ADAMTSL4: variants seen among roughly 807,000 people sequenced by gnomAD.
ADAMTSL4 encodes the protein ADAMTS like 4.
In ADAMTSL4, 97 loss-of-function variants were observed where a neutral mutation model predicts 122.8. The ratio of observed to expected loss-of-function variants is 0.79; its 90% CI spans 0.67 to 0.93. ADAMTSL4 has a LOEUF of 0.93. Among genes scored for constraint, ADAMTSL4 ranks in the 40% least tolerant of loss-of-function variants. The pLI is 0.00. For synonymous variants in ADAMTSL4, 592 were observed against 568.0 expected (o/e 1.04, Z -0.60); for missense variants, 1,408 against 1,453.5 (o/e 0.97, Z 0.51).
chr1:150,559,091 C>T lies in ADAMTSL4; in HGVS notation c.2689C>T (p.Pro897Ser), dbSNP rs753155445. The T allele has an allele frequency of 9.3e-6, 15 of 1,612,646 alleles. No homozygotes were observed. Among genetic ancestry groups the T allele is most frequent in the Non-Finnish European group, 1.3e-5 (15 of 1,179,942 alleles). Residue 897 changes from proline (P) to serine (S), a missense_variant, in exon 16 of 19, where the codon CCC becomes TCC. Pro to Ser is a moderately conservative substitution (Grantham distance 74). Transcript: ENST00000271643. This position sits in a 1 kb window ranked among gnomAD's most constrained non-coding sequence, Gnocchi z 4.1. ...GCAGAGCTGTCCAACAGGAAGCCGG[C>T]CCCCTGACATGCGCGCCTGCAGCCT... ...TGQSCPTGSRPPDMRACSLGP... is the reference protein window; with the variant it reads ...TGQSCPTGSRSPDMRACSLGP...
Position 150,554,798 on chromosome 1 carries a change from C to A in ADAMTSL4, c.1234+331C>A. On this transcript the variant is annotated intron_variant, in intron 7 of 18. Coordinates refer to ENST00000271643, the MANE Select transcript of ADAMTSL4 (RefSeq NM_019032.6). The surrounding 1 kb of genome is among the most constrained non-coding windows in gnomAD (Gnocchi z 4.0). ...GCCGTGACAGCCAGGTGGGGGTGTG[C>A]CACGCATCCTGGGCACTGTCGTATC... 2 of 775,298 alleles carry A rather than the reference C, an allele frequency of 2.6e-6. No homozygotes were observed. Among genetic ancestry groups the A allele is most frequent in the Non-Finnish European group, 4.1e-6 (2 of 491,182 alleles). The allele number at this position is 775,298 out of a possible 1,614,324, so 48.0% of individuals were successfully genotyped here.
In ADAMTSL4 at chr1:150,554,825, G is replaced by A; in HGVS notation, c.1234+358G>A. On this transcript the variant is annotated intron_variant, in intron 7 of 18. Coordinates refer to ENST00000271643, the MANE Select transcript of ADAMTSL4 (RefSeq NM_019032.6). The surrounding 1 kb of genome is among the most constrained non-coding windows in gnomAD (Gnocchi z 4.0). ...ACGCATCCTGGGCACTGTCGTATCG[G>A]TTGCTCCCAGGTTACCATCCGCTTC... is the stretch of plus-strand genomic sequence containing the variant. The A allele has an allele frequency of 1.6e-6, 1 of 640,908 alleles. No individual in the cohort carries two copies. The highest frequency in any genetic ancestry group is 2.0e-5 in the South Asian group (1 of 51,250). The allele number at this position is 640,908 out of a possible 1,614,324, so 39.7% of individuals were successfully genotyped here.
chr1:150,558,693 A>T (rs948995808), intron 15 of ADAMTSL4, 44 bp downstream of exon 15: 1 of 1,613,672 alleles, frequency 6.2e-7, no homozygotes, highest in Non-Finnish European at 8.5e-7. Context: ...CTGGGTAACC[A>T]CGCCCAGGAC....
chr1:150,556,639 GC>G lies in ADAMTSL4; in HGVS notation c.1597del (p.Arg533GlyfsTer52). Reference protein sequence around the residue: ...SNYLALRGPGGRSIINGNWAV... With the variant: ...SNYLALRGPGXRSIINGNWAV... ...CCCGCAGCACTTCGTGGCCCTGGGG[GC>G]CGGTCCATCATCAATGGGAACTGGG... On this transcript the variant is annotated frameshift_variant, in exon 10 of 19. Coordinates refer to ENST00000271643, the MANE Select transcript of ADAMTSL4 (RefSeq NM_019032.6). LOFTEE classifies it high-confidence loss of function. This position sits in a 1 kb window ranked among gnomAD's most constrained non-coding sequence, Gnocchi z 4.1. 6.2e-7 allele frequency: 1 copy of G among 1,614,030 alleles called. No individual in the cohort carries two copies. Among genetic ancestry groups the G allele is most frequent in the East Asian group, 2.2e-5 (1 of 44,870 alleles).
In ADAMTSL4 at chr1:150,553,966, G is replaced by C. The variant is rs1426470918; in HGVS notation, c.975G>C (p.Gly325=). 2 of 1,610,220 alleles carry C rather than the reference G, an allele frequency of 1.2e-6. No individual in the cohort carries two copies. The change falls in exon 6 of 19, where the codon GGG becomes GGC. Residue 325 remains glycine (G), a synonymous_variant. Transcript: ENST00000271643. ...GGGGAACGGGGGGGACTCCTCACGGGCCCCGCCTGGAGCCTGACCCTCAGC... is the reference window on the plus strand; with the variant it reads ...GGGGAACGGGGGGGACTCCTCACGGCCCCCGCCTGGAGCCTGACCCTCAGC... The part of the protein sequence containing the change: ...GPWGTGGTPH[G]PRLEPDPQHP...
chr1:150,552,845 T>C lies in ADAMTSL4; in HGVS notation c.79-53T>C. ...TCAGTGTTGGTCTACATGGACACTCTGGACAGTTCCCTCTAATCCTTCCAA... is the reference window on the plus strand; with the variant it reads ...TCAGTGTTGGTCTACATGGACACTCCGGACAGTTCCCTCTAATCCTTCCAA... On this transcript the variant is annotated intron_variant, in intron 4 of 18. Coordinates refer to ENST00000271643, the MANE Select transcript of ADAMTSL4 (RefSeq NM_019032.6). This position sits in a 1 kb window ranked among gnomAD's most constrained non-coding sequence, Gnocchi z 4.0. The C allele has an allele frequency of 1.3e-6, 2 of 1,572,798 alleles. No homozygotes were observed. Among genetic ancestry groups the C allele is most frequent in the Non-Finnish European group, 8.7e-7 (1 of 1,149,602 alleles).
Position 150,559,233 on chromosome 1 carries a change from G to A in ADAMTSL4, c.2764-54G>A. On this transcript the variant is annotated intron_variant, in intron 16 of 18. Transcript: ENST00000271643. This position sits in a 1 kb window ranked among gnomAD's most constrained non-coding sequence, Gnocchi z 4.1. ...CCAGTGGGATTCCTTGTGGGCACTT[G>A]GGGTGCTCTCTGTCCTCCCCTCCCC... 2 of 1,612,690 alleles carry A rather than the reference G, an allele frequency of 1.2e-6. No homozygotes were observed. Among genetic ancestry groups the A allele is most frequent in the South Asian group, 2.2e-5 (2 of 90,906 alleles).
Position 150,559,223 on chromosome 1 carries a change from G to A in ADAMTSL4, c.2763+58G>A, listed in dbSNP as rs1482623326. The A allele has an allele frequency of 3.7e-6, 6 of 1,612,588 alleles. No individual in the cohort carries two copies. The highest frequency in any genetic ancestry group is 5.1e-6 in the Non-Finnish European group (6 of 1,179,392). ...GGTGCCAGTCCCAGTGGGATTCCTT[G>A]TGGGCACTTGGGGTGCTCTCTGTCC... On this transcript the variant is annotated intron_variant, in intron 16 of 18. Coordinates refer to ENST00000271643, the MANE Select transcript of ADAMTSL4 (RefSeq NM_019032.6). This position sits in a 1 kb window ranked among gnomAD's most constrained non-coding sequence, Gnocchi z 4.1.
chr1:150,550,347 AGGGTGGGGTGGG>A, intron 2 of ADAMTSL4: 3 of 213,838 alleles, frequency 1.4e-5, no homozygotes, highest in Non-Finnish European at 9.1e-6. Context: ...TGCGCAGGGG[AGGGTGGGGTGGG>A]ACTTTTCCAG....
At position 150,554,890 on chromosome 1, in the gene ADAMTSL4, C is replaced by G. The variant is rs587764535; in HGVS notation, c.1234+423C>G. On this transcript the variant is annotated intron_variant, in intron 7 of 18. Coordinates refer to ENST00000271643, the MANE Select transcript of ADAMTSL4 (RefSeq NM_019032.6). The surrounding 1 kb of genome is among the most constrained non-coding windows in gnomAD (Gnocchi z 4.0). The stretch of plus-strand genomic sequence containing the variant: ...TTAACTTGACACCGGGATAAGCACT[C>G]AAGAGCTCTGAACACACAGAATCAT... Among the ~76,000 whole-genome samples, 1 of 151,784 alleles carries G rather than the reference C, an allele frequency of 6.6e-6. No homozygotes were observed. The highest frequency in any genetic ancestry group is 2.1e-4 in the South Asian group (1 of 4,810).
At chr1:150,551,724 T>A (rs760028936) in intron 2 of ADAMTSL4, 1 of 154,972 alleles carries the variant, frequency 6.5e-6, no homozygotes, top group Non-Finnish European at 1.4e-5. Context: ...TTTAGCTGGA[T>A]CCCATCTCCA....
At chr1:150,558,674 T>G (rs1420349257) in intron 15 of ADAMTSL4, 25 bp downstream of exon 15, 1 of 1,613,868 alleles carries the variant, frequency 6.2e-7, no homozygotes, top group Admixed American at 1.7e-5. Context: ...CCCAGCCATA[T>G]CCTGCATCCT....
In ADAMTSL4 at chr1:150,553,898, C is replaced by T. The variant is rs991194006; in HGVS notation, c.907C>T (p.Pro303Ser). ...AGCAGGGAGACGCCCTGATCCTTTTCCTTCGGTCCCTCGGGGCCGAGGCCA... is the reference window on the plus strand; with the variant it reads ...AGCAGGGAGACGCCCTGATCCTTTTTCTTCGGTCCCTCGGGGCCGAGGCCA... ...QVAGRRPDPF[P>S]SVPRGRGQQG... Residue 303 changes from proline (P) to serine (S), a missense_variant, in exon 6 of 19, where the codon CCT becomes TCT. Physicochemically the swap from Pro to Ser is moderately conservative, Grantham distance 74 (BLOSUM62 -1). Coordinates refer to ENST00000271643, the MANE Select transcript of ADAMTSL4 (RefSeq NM_019032.6). 1.9e-6 allele frequency: 3 copies of T among 1,613,376 alleles called. No individual in the cohort carries two copies. In the African/African-American group the frequency reaches 4.0e-5, roughly 22 times the overall value.
rs771126937 is a variant in ADAMTSL4 at position 150,554,990 on chromosome 1, C to CTT, written c.1235-425_1235-424dup. Among the ~76,000 whole-genome samples the CTT allele has an allele frequency of 3.6e-5, 5 of 140,494 alleles. No homozygotes were observed. The highest frequency in any genetic ancestry group is 7.1e-5 in the Admixed American group (1 of 14,132). The allele number at this position is 140,494 out of a possible 152,430, so 92.2% of individuals were successfully genotyped here. A position where few individuals can be genotyped will look rare whatever the true frequency, so the allele number is the denominator to read the frequency against. Reference sequence around the variant, plus strand: ...CGGTGACCTCAACTGACCTGACCACCTTTTTTTTTTTTTTTCTGAGACAGA... The same window carrying CTT: ...CGGTGACCTCAACTGACCTGACCACCTTTTTTTTTTTTTTTTTCTGAGACAGA... On this transcript the variant is annotated intron_variant, in intron 7 of 18. Transcript: ENST00000271643. The surrounding 1 kb of genome is among the most constrained non-coding windows in gnomAD (Gnocchi z 4.0).
chr1:150,558,078 C>T lies in ADAMTSL4; in HGVS notation c.2311C>T (p.Arg771Trp), dbSNP rs149017342. 1.2e-4 allele frequency: 196 copies of T among 1,613,210 alleles called. No individual in the cohort carries two copies. The highest frequency in any genetic ancestry group is 8.5e-4 in the East Asian group (38 of 44,888). ...VPPERCGHLPRPNITQSCQLR... is the reference protein window; with the variant it reads ...VPPERCGHLPWPNITQSCQLR... ...CCCGGAGCGCTGTGGACATCTCCCCCGGCCCAACATCACCCAGTCTTGCCA... is the reference window on the plus strand; with the variant it reads ...CCCGGAGCGCTGTGGACATCTCCCCTGGCCCAACATCACCCAGTCTTGCCA... The change falls in exon 14 of 19, where the codon CGG (arginine) becomes TGG (tryptophan). Residue 771 changes from arginine to tryptophan, a missense_variant. By Grantham distance (101) the Arg-to-Trp change is moderately radical. Coordinates refer to ENST00000271643, the MANE Select transcript of ADAMTSL4 (RefSeq NM_019032.6).
In ADAMTSL4 at chr1:150,552,806, C is replaced by T. The variant is rs958904143; in HGVS notation, c.79-92C>T. ...GCTGAATGTGACCTTGGACTGGTAG[C>T]GACTCCGTGAGCCTCAGTGTTGGTC... is the stretch of plus-strand genomic sequence containing the variant. On this transcript the variant is annotated intron_variant, in intron 4 of 18. Transcript: ENST00000271643. The surrounding 1 kb of genome is among the most constrained non-coding windows in gnomAD (Gnocchi z 4.0). The T allele has an allele frequency of 8.5e-6, 12 of 1,405,066 alleles. No individual in the cohort carries two copies. Among genetic ancestry groups the T allele is most frequent in the Admixed American group, 8.4e-5 (5 of 59,416 alleles). The allele number at this position is 1,405,066 out of a possible 1,614,324, so 87.0% of individuals were successfully genotyped here.
Position 150,549,638 on chromosome 1 carries a change from G to C in ADAMTSL4, c.-159+139G>C, listed in dbSNP as rs74124915. The stretch of plus-strand genomic sequence containing the variant: ...CGCCACGACCCCGGACCCAGCTCCG[G>C]TGGCCTCGGACAATCTTCCAGCCCC... On this transcript the variant is annotated intron_variant, in intron 1 of 18. Transcript: ENST00000271643. The surrounding 1 kb of genome is among the most constrained non-coding windows in gnomAD (Gnocchi z 5.0). 4,036 of 152,482 alleles carry C rather than the reference G, an allele frequency of 0.026. 158 individuals carry two copies. The highest frequency in any genetic ancestry group is 0.088 in the African/African-American group (3,639 of 41,536). The allele number at this position is 152,482 out of a possible 1,614,324, so 9.4% of individuals were successfully genotyped here.
At position 150,553,158 on chromosome 1, in the gene ADAMTSL4, G is replaced by T. The variant is rs1671611976; in HGVS notation, c.339G>T (p.Leu113Phe). The change falls in exon 5 of 19, where the codon TTG (leucine) becomes TTT (phenylalanine). Residue 113 changes from leucine to phenylalanine, a missense_variant. Transcript: ENST00000271643. ...RPQTSPETLPLYRTQSRGRGG... is the reference protein window; with the variant it reads ...RPQTSPETLPFYRTQSRGRGG... ...AGACTTCTCCAGAAACCCTCCCCTT[G>T]TACAGGACACAGTCTCGGGGAAGGG... The T allele has an allele frequency of 1.2e-6, 2 of 1,612,390 alleles. No individual in the cohort carries two copies. The highest frequency in any genetic ancestry group is 1.7e-6 in the Non-Finnish European group (2 of 1,179,442).
In ADAMTSL4 at chr1:150,551,891, C is replaced by CA. The variant is rs199813152; in HGVS notation, c.-84-299dup. The CA allele has an allele frequency of 0.053, 6,231 of 118,386 alleles. 275 individuals are homozygous for CA. The highest frequency in any genetic ancestry group is 0.17 in the African/African-American group (4,497 of 27,162). The allele number at this position is 118,386 out of a possible 1,614,324, so 7.3% of individuals were successfully genotyped here. A position where few individuals can be genotyped will look rare whatever the true frequency, so the allele number is the denominator to read the frequency against. ...GGATGACAGAGTGAGATCTCCATCT[C>CA]AAAAAAAAAAAAAAAGCCTTTTGTG... is the stretch of plus-strand genomic sequence containing the variant. On this transcript the variant is annotated intron_variant, in intron 2 of 18. Coordinates refer to ENST00000271643, the MANE Select transcript of ADAMTSL4 (RefSeq NM_019032.6).
Sources: gnomAD v4.1 joint callset for allele counts (sites outside exome capture counted in the v4.1 genomes callset) on GRCh38, gnomAD v4.1.1 for gene constraint, Gnocchi (gnomAD v3.1) non-coding constraint, MANE v1.5 for transcripts, NCBI Gene and HGNC (gene_info 2026-07-23, HGNC 2026-07-21) for gene names.